Variants in SAMD12 observed in about 807,000 individuals in gnomAD.
The protein encoded by SAMD12 is sterile alpha motif domain containing 12.
SAMD12 carries 9 observed loss-of-function variants against 15.0 expected under a neutral mutation model. The observed-to-expected ratio is 0.60, with a 90% CI of 0.36 to 1.05. The LOEUF (loss-of-function observed/expected upper bound fraction) is 1.05. Among genes scored for constraint, SAMD12 ranks in the 50% least tolerant of loss-of-function variants. The pLI is 0.01. For missense variants in SAMD12, 230 were observed against 234.2 expected, an observed-to-expected ratio of 0.98 and a Z score of 0.12; for synonymous variants, 86 against 90.1, an observed-to-expected ratio of 0.96 and a Z score of 0.25.
chr8:118,595,197 C>T (rs925702119), intron 1 of SAMD12, among the ~76,000 whole-genome samples: 1 of 152,108 alleles, frequency 6.6e-6, no homozygotes, highest in Non-Finnish European at 1.5e-5. Flanking sequence ...CTCTAAGAAA[C>T]AAGTGAAGAA....
the SAMD12 span, among the ~76,000 whole-genome samples, chr8:118,165,261 G>T: frequency 6.6e-6 from 1 of 152,052 alleles, no homozygotes; most frequent in African/African-American, 2.4e-5. Context: ...AGAACTCAGA[G>T]AAACACTTTA....
At chr8:118,412,862 A>G (rs1821481056) in intron 3 of SAMD12, among the ~76,000 whole-genome samples, 1 of 152,126 alleles carries the variant, frequency 6.6e-6, no homozygotes, top group African/African-American at 2.4e-5. Flanking sequence ...TTCACTATGG[A>G]TGTACAGAAT....
At chr8:118,321,144 A>AATAAATAT (rs57107358) in intron 4 of SAMD12, among the ~76,000 whole-genome samples, 57 of 94,440 alleles carry the variant, frequency 6.0e-4, no homozygotes, top group South Asian at 4.0e-3. Flanking sequence ...ATAGATAATA[A>AATAAATAT]ATATATATAT....
At chr8:118,214,471 A>G (rs1484384941) in intron 4 of SAMD12, among the ~76,000 whole-genome samples, 1 of 152,248 alleles carries the variant, frequency 6.6e-6, no homozygotes, top group Non-Finnish European at 1.5e-5. Flanking sequence ...AAAAGAGGCA[A>G]CACTGTCAAG....
At chr8:118,148,861 TTTG>T in the SAMD12 span, among the ~76,000 whole-genome samples, 1 of 152,212 alleles carries the variant, frequency 6.6e-6, no homozygotes, top group Non-Finnish European at 1.5e-5. Flanking sequence ...TGTTCAATGG[TTTG>T]TTATTTTTAA....
chr8:118,238,610 T>C (rs1470987023), intron 4 of SAMD12, among the ~76,000 whole-genome samples: 1 of 152,146 alleles, frequency 6.6e-6, no homozygotes, highest in Admixed American at 6.6e-5. Context: ...ATAAATTATA[T>C]CATTCATCTA....
the SAMD12 span, among the ~76,000 whole-genome samples, chr8:118,149,945 C>T: frequency 6.6e-6 from 1 of 152,144 alleles, no homozygotes; most frequent in African/African-American, 2.4e-5. Context: ...GTTCATCTTG[C>T]AACCAATACC....
At chr8:118,319,536 A>G (rs7828542) in intron 4 of SAMD12, among the ~76,000 whole-genome samples, 74,394 of 152,084 alleles carry the variant, frequency 0.49, 20,648 homozygotes, top group African/African-American at 0.77. Context: ...TTGTGGCCCA[A>G]GTAATTAAAA....
At chr8:118,314,968 A>G (rs1815817775) in intron 4 of SAMD12, among the ~76,000 whole-genome samples, 1 of 152,192 alleles carries the variant, frequency 6.6e-6, no homozygotes, top group Non-Finnish European at 1.5e-5. Flanking sequence ...CTTCTTAAAA[A>G]CTTTTTATTT....
intron 4 of SAMD12, among the ~76,000 whole-genome samples, chr8:118,203,120 G>C (rs2514748): frequency 1.3e-5 from 2 of 152,294 alleles, no homozygotes; most frequent in South Asian, 4.1e-4. Context: ...GACTCAATAA[G>C]AAACATTTGT....
At chr8:118,331,341 G>GA (rs932666932) in intron 4 of SAMD12, among the ~76,000 whole-genome samples, 1 of 152,018 alleles carries the variant, frequency 6.6e-6, no homozygotes. Context: ...TCCCTTAAAT[G>GA]AAAAAATATC....
chr8:118,546,259 T>C (rs923046736), intron 2 of SAMD12, among the ~76,000 whole-genome samples: 6 of 152,222 alleles, frequency 3.9e-5, no homozygotes, highest in South Asian at 2.1e-4. Flanking sequence ...CAATGTTGAG[T>C]AGCACTTAGC....
intron 3 of SAMD12, among the ~76,000 whole-genome samples, chr8:118,395,569 G>T (rs1190638349): frequency 2.0e-5 from 3 of 152,124 alleles, no homozygotes; most frequent in Non-Finnish European, 2.9e-5. Flanking sequence ...CAACCTCAAA[G>T]AGTTCAAGCC....
chr8:118,486,891 C>T (rs1020179059), intron 2 of SAMD12, among the ~76,000 whole-genome samples: 1 of 152,148 alleles, frequency 6.6e-6, no homozygotes, highest in Non-Finnish European at 1.5e-5. Context: ...AGGTGCCCTC[C>T]GACAGGACCC....
At chr8:118,355,229 T>C (rs1281991077) in intron 4 of SAMD12, among the ~76,000 whole-genome samples, 1 of 152,244 alleles carries the variant, frequency 6.6e-6, no homozygotes, top group Non-Finnish European at 1.5e-5. Context: ...AATGAATTAA[T>C]GGCATTCGCA....
intron 2 of SAMD12, among the ~76,000 whole-genome samples, chr8:118,522,723 C>T (rs1825422690): frequency 6.6e-6 from 1 of 152,028 alleles, no homozygotes; most frequent in African/African-American, 2.4e-5. Flanking sequence ...TGAACAAACC[C>T]AACATGGCTC....
chr8:118,173,752 C>T, the SAMD12 span, among the ~76,000 whole-genome samples: 1 of 151,100 alleles, frequency 6.6e-6, no homozygotes, highest in African/African-American at 2.4e-5. Flanking sequence ...GCCTCAGCTT[C>T]CCGCATAGCT....
chr8:118,153,745 A>T, the SAMD12 span, among the ~76,000 whole-genome samples: 1 of 151,990 alleles, frequency 6.6e-6, no homozygotes, highest in Non-Finnish European at 1.5e-5. Context: ...GGTCAGAGTG[A>T]TATCTTTACC....
intron 2 of SAMD12, among the ~76,000 whole-genome samples, chr8:118,465,915 T>C (rs897524009): frequency 6.6e-6 from 1 of 152,150 alleles, no homozygotes; most frequent in African/African-American, 2.4e-5. Context: ...CTGGGATTAG[T>C]TGGTCATCCT....
Sources: gnomAD v4.1 joint callset for allele counts (sites outside exome capture counted in the v4.1 genomes callset) on GRCh38, gnomAD v4.1.1 for gene constraint, MANE v1.5 for transcripts, NCBI Gene and HGNC (gene_info 2026-07-23, HGNC 2026-07-21) for gene names.